Variants in CHD5 observed in about 807,000 individuals in gnomAD.
CHD5 encodes the protein chromodomain helicase DNA binding protein 5, also known as ATP-dependent chromatin remodeler CHD5.
Under a neutral mutation model 230.3 loss-of-function variants are expected in CHD5, and 69 were observed. That is an observed-to-expected ratio of 0.30 (90% confidence interval 0.25 to 0.37). The LOEUF (loss-of-function observed/expected upper bound fraction) is 0.37, where lower values mean the gene tolerates loss of function less well. Ranked by LOEUF, CHD5 falls within the 10% of genes least tolerant of loss-of-function variation. CHD5 has a pLI of 1.00. For synonymous variants in CHD5, 1,064 were observed against 1,065.9 expected, an observed-to-expected ratio of 1.00 and a Z score of 0.03; for missense variants, 1,827 against 2,622.8, an observed-to-expected ratio of 0.70 and a Z score of 6.63.
chr1:6,140,517 C>T (rs1475906248), intron 15 of CHD5, among the ~76,000 whole-genome samples: 1 of 152,116 alleles, frequency 6.6e-6, no homozygotes, highest in Admixed American at 6.5e-5. Context: ...CACCATGAGA[C>T]CTCATGCTTA....
In CHD5 at chr1:6,154,351, GC is replaced by G. The variant is rs1401124326; in HGVS notation, c.745+308del. Among the ~76,000 whole-genome samples the G allele has an allele frequency of 1.3e-5, 2 of 152,186 alleles. No homozygotes were observed. Among genetic ancestry groups the G allele is most frequent in the East Asian group, 1.9e-4 (1 of 5,166 alleles). On this transcript the variant is annotated intron_variant, in intron 5 of 41. Coordinates refer to ENST00000262450, the MANE Select transcript of CHD5 (RefSeq NM_015557.3). This position sits in a 1 kb window ranked among gnomAD's most constrained non-coding sequence, Gnocchi z 7.0. ...CTCCACTCTGCGTACCTCTGGTCCCGCCCTCCCTCCAGGCCCACGTCGGGGG... is the reference window on the plus strand; with the variant it reads ...CTCCACTCTGCGTACCTCTGGTCCCGCCTCCCTCCAGGCCCACGTCGGGGG...
In CHD5 at chr1:6,146,852, T is replaced by C. The variant is rs755760822; in HGVS notation, c.1403A>G (p.Lys468Arg). 11 of 1,524,112 alleles carry C rather than the reference T, an allele frequency of 7.2e-6. No individual in the cohort carries two copies. Among genetic ancestry groups the C allele is most frequent in the South Asian group, 3.9e-5 (3 of 77,356 alleles). The allele number at this position is 1,524,112 out of a possible 1,614,324, so 94.4% of individuals were successfully genotyped here. A position where few individuals can be genotyped will look rare whatever the true frequency, so the allele number is the denominator to read the frequency against. Residue 468 changes from lysine (K) to arginine (R), a missense_variant, in exon 10 of 42, where the codon AAA becomes AGA. Around this residue, in one of 14 missense-constraint regions of CHD5, gnomAD observed 657 missense variants for 816.4 expected, o/e 0.80. Transcript: ENST00000262450. The surrounding 1 kb of genome is among the most constrained non-coding windows in gnomAD (Gnocchi z 5.1). ...CCTCCAGTGTAGAATCCGCTGGACT[T>C]TGCCCTTCAGTGGGGGGCACTGTGG... ...PRCTCPPLKG[K>R]VQRILHWRWT...
rs1231486372 is a variant in CHD5 at position 6,117,136 on chromosome 1, A to G, written c.4912+3969T>C. ...AAAGAAAATTTGATCAATCCAAGAGATGGCAGGAAAAGAGAAAAAAGGAGA... is the reference window on the plus strand; with the variant it reads ...AAAGAAAATTTGATCAATCCAAGAGGTGGCAGGAAAAGAGAAAAAAGGAGA... On this transcript the variant is annotated intron_variant, in intron 33 of 41. Transcript: ENST00000262450. 3.3e-5 allele frequency among the ~76,000 whole-genome samples: 5 copies of G among 152,156 alleles called. No homozygotes were observed. The East Asian group carries it at 9.6e-4, about 29-fold the overall frequency.
chr1:6,172,229 C>CTGCCAGGCTCG (rs1553143756), intron 1 of CHD5, among the ~76,000 whole-genome samples: 1 of 152,254 alleles, frequency 6.6e-6, no homozygotes, highest in Admixed American at 6.5e-5. Context: ...TGCATACCAC[C>CTGCCAGGCTCG]TGCCAGGCTC....
chr1:6,166,215 G>C (rs971996789), intron 2 of CHD5, among the ~76,000 whole-genome samples: 3 of 145,754 alleles, frequency 2.1e-5, no homozygotes, highest in African/African-American at 7.8e-5. Context: ...ACAGTCACAT[G>C]CACACACGTG....
At chr1:6,107,720 G>A (rs202120042) in intron 38 of CHD5, among the ~76,000 whole-genome samples, 1,917 of 91,462 alleles carry the variant, frequency 0.021, 2 homozygotes, top group East Asian at 0.069. Context: ...ATGGAGGGAT[G>A]ATGGAGGGAT....
chr1:6,117,000 T>C (rs1666388042), intron 33 of CHD5, among the ~76,000 whole-genome samples: 1 of 152,212 alleles, frequency 6.6e-6, no homozygotes, highest in African/African-American at 2.4e-5. Flanking sequence ...GAGCTAAAGC[T>C]ATCTAAAGTC....
Position 6,116,106 on chromosome 1 carries a change from G to A in CHD5, c.4913-3108C>T, listed in dbSNP as rs538400583. 4.6e-4 allele frequency among the ~76,000 whole-genome samples: 70 copies of A among 152,272 alleles called. 1 individual carries two copies. The highest frequency in any genetic ancestry group is 4.1e-3 in the Admixed American group (62 of 15,288). On this transcript the variant is annotated intron_variant, in intron 33 of 41. Transcript: ENST00000262450. ...TTTGGAGTCTGTGGTTGAACAACAC[G>A]TATTTCTGTTTATTGTGGATTGCCT...
Position 6,124,543 on chromosome 1 carries a change from C to G in CHD5, c.4513G>C (p.Gly1505Arg). 6.2e-7 allele frequency: 1 copy of G among 1,613,928 alleles called. No homozygotes were observed. Among genetic ancestry groups the G allele is most frequent in the Non-Finnish European group, 8.5e-7 (1 of 1,179,946 alleles). The stretch of plus-strand genomic sequence containing the variant: ...TTCTTCCTAACTAGTGACATGACCC[C>G]GATGCGGGTCAGCACGTGCTGCCTG... ...LSRQHVLTRI[G>R]VMSLVRKKVQ... The change falls in exon 30 of 42, where the codon GGG becomes CGG. Residue 1505 changes from glycine (G) to arginine (R), a missense_variant. This residue lies in a region of CHD5 where 108 missense variants were observed against 152.4 expected (regional missense o/e 0.71). Coordinates refer to ENST00000262450, the MANE Select transcript of CHD5 (RefSeq NM_015557.3).
At position 6,112,893 on chromosome 1, in the gene CHD5, C is replaced by T. The variant is rs367548720; in HGVS notation, c.5002+16G>A. Reference sequence around the variant, plus strand: ...GACCATGGGGCACAGGTAGAGAACACAGAAGAGCCCCAGACCTGGCCTGAG... The same window carrying T: ...GACCATGGGGCACAGGTAGAGAACATAGAAGAGCCCCAGACCTGGCCTGAG... On this transcript the variant is annotated intron_variant, in intron 34 of 41. Transcript: ENST00000262450. The T allele has an allele frequency of 1.9e-6, 3 of 1,599,658 alleles. No homozygotes were observed. The highest frequency in any genetic ancestry group is 2.6e-6 in the Non-Finnish European group (3 of 1,167,754).
rs1667489986 is a variant in CHD5 at position 6,180,006 on chromosome 1, G to A, written c.18C>T (p.Gly6=). The A allele has an allele frequency of 1.5e-6, 2 of 1,372,176 alleles. No individual in the cohort carries two copies. The highest frequency in any genetic ancestry group is 3.6e-5 in the East Asian group (1 of 27,622). 85.0% of individuals were successfully genotyped at this position (1,372,176 alleles called of 1,614,324 possible). ...ACAGCCGCGGCAGCTCCTCCTCGGT[G>A]CCCACTGGGCCCCGCATGCCCGGCG... MRGPV[G]TEEELPRLFA... The change falls in exon 1 of 42, where the codon GGC becomes GGT. Residue 6 remains glycine (G), a synonymous_variant. Transcript: ENST00000262450.
At chr1:6,111,320 G>T (rs949167123) in intron 36 of CHD5, among the ~76,000 whole-genome samples, 1 of 151,526 alleles carries the variant, frequency 6.6e-6, no homozygotes, top group African/African-American at 2.4e-5. Context: ...GATCACTTGA[G>T]GTCAGGAGTT....
In CHD5 at chr1:6,151,051, C is replaced by A. The variant is rs1483949061; in HGVS notation, c.975G>T (p.Arg325Ser). 1 of 1,583,676 alleles carries A rather than the reference C, an allele frequency of 6.3e-7. No homozygotes were observed. Among genetic ancestry groups the A allele is most frequent in the African/African-American group, 1.3e-5 (1 of 74,238 alleles). ...CSAALGKKSK[R>S]RRKKKRIDDG... Reference sequence around the variant, plus strand: ...TCATACTCCTCTTCTTCTTGCGCCTCCTCTTGCTCTTCTTGCCCAGGGCTG... The same window carrying A: ...TCATACTCCTCTTCTTCTTGCGCCTACTCTTGCTCTTCTTGCCCAGGGCTG... The change falls in exon 7 of 42, where the codon AGG (arginine) becomes AGT (serine). Residue 325 changes from arginine (R) to serine (S), a missense_variant. Transcript: ENST00000262450.
chr1:6,137,160 A>G (rs1451765952), intron 15 of CHD5, among the ~76,000 whole-genome samples: 1 of 152,110 alleles, frequency 6.6e-6, no homozygotes, highest in East Asian at 1.9e-4. Context: ...AGCGTGGAGT[A>G]CAGTGGCACG....
At chr1:6,123,428 G>A (rs1314471762) in intron 31 of CHD5, among the ~76,000 whole-genome samples, 2 of 150,260 alleles carry the variant, frequency 1.3e-5, no homozygotes, top group South Asian at 4.4e-4. Context: ...TCACTGAATA[G>A]TACTTTTTTT....
rs1413496080 is a variant in CHD5 at position 6,125,930 on chromosome 1, C to T, written c.4079-72G>A. The T allele has an allele frequency of 1.7e-6, 2 of 1,166,266 alleles. No individual in the cohort carries two copies. Among genetic ancestry groups the T allele is most frequent in the South Asian group, 1.2e-5 (1 of 81,212 alleles). 72.2% of individuals were successfully genotyped at this position (1,166,266 alleles called of 1,614,324 possible). A position where few individuals can be genotyped will look rare whatever the true frequency, so the allele number is the denominator to read the frequency against. ...AGCCCACCCTCAAGTTCAAGCATGC[C>T]CAGGGCCACGCCGAGCCCCTGCACC... On this transcript the variant is annotated intron_variant, in intron 26 of 41. Coordinates refer to ENST00000262450, the MANE Select transcript of CHD5 (RefSeq NM_015557.3). This position sits in a 1 kb window ranked among gnomAD's most constrained non-coding sequence, Gnocchi z 6.7.
Position 6,112,242 on chromosome 1 carries a change from T to G in CHD5, c.5038A>C (p.Thr1680Pro), listed in dbSNP as rs1471069702. ...TKAEEKEPIE[T>P]QQNGDKEEDD... ...TCCTCTTTGTCACCATTTTGCTGTG[T>G]TTCAATGGGCTCCTTCTCCTCAGCC... The change falls in exon 35 of 42, where the codon ACA becomes CCA. Residue 1680 changes from threonine to proline, a missense_variant. Thr to Pro is a conservative substitution (Grantham distance 38). Transcript: ENST00000262450. 5.6e-6 allele frequency: 9 copies of G among 1,614,172 alleles called. No individual in the cohort carries two copies. In the South Asian group the frequency reaches 9.9e-5, roughly 18 times the overall value.
Position 6,130,834 on chromosome 1 carries a change from G to C in CHD5, c.3263-506C>G, listed in dbSNP as rs562219113. Among the ~76,000 whole-genome samples, 3 of 152,288 alleles carry C rather than the reference G, an allele frequency of 2.0e-5. No individual in the cohort carries two copies. The East Asian group carries it at 5.8e-4, about 29-fold the overall frequency. ...CCTCTCAGGGCCCTTCAGTGACCTG[G>C]GACTGACCACAGCCCCCACTGGAGC... On this transcript the variant is annotated intron_variant, in intron 21 of 41. Transcript: ENST00000262450. This position sits in a 1 kb window ranked among gnomAD's most constrained non-coding sequence, Gnocchi z 4.9.
intron 25 of CHD5, among the ~76,000 whole-genome samples, chr1:6,127,807 G>A (rs888082609): frequency 6.6e-6 from 1 of 152,224 alleles, no homozygotes; most frequent in Non-Finnish European, 1.5e-5. Context: ...TCCTGAGCCC[G>A]CGGGTGGAGC....
Sources: gnomAD v4.1 joint callset for allele counts (sites outside exome capture counted in the v4.1 genomes callset) on GRCh38, gnomAD v4.1.1 for gene constraint, gnomAD v4.1.1 regional missense constraint, Gnocchi (gnomAD v3.1) non-coding constraint, MANE v1.5 for transcripts, NCBI Gene and HGNC (gene_info 2026-07-23, HGNC 2026-07-21) for gene names.